Variants in LRRN2 observed in about 807,000 individuals in gnomAD.
LRRN2 encodes the protein leucine-rich repeat neuronal protein 2.
Under a neutral mutation model 35.7 loss-of-function variants are expected in LRRN2, and 10 were observed. That is an observed-to-expected ratio of 0.28 (90% confidence interval 0.17 to 0.47). The LOEUF (loss-of-function observed/expected upper bound fraction) is 0.47, where lower values mean the gene tolerates loss of function less well. Among genes scored for constraint, LRRN2 ranks in the 20% least tolerant of loss-of-function variants. The probability of loss-of-function intolerance (pLI) is 0.99; values close to 1 mark genes in which losing one functional copy is unlikely to be tolerated. For missense variants in LRRN2, 731 were observed against 940.3 expected (o/e 0.78, Z 2.91); for synonymous variants, 391 against 409.6 (o/e 0.95, Z 0.55).
At position 204,618,294 on chromosome 1, in the gene LRRN2, G is replaced by A; in HGVS notation, c.1699C>T (p.Gln567Ter). ...TWSSASSLRG[Q>*]GATALARLPR... ...AGGCGGGCCAGAGCTGTGGCCCCCT[G>A]GCCCCGGAGGGAGGAGGCACTGGAC... The change falls in exon 2 of 2, where the codon CAG (glutamine) becomes TAG (stop). Residue 567 changes from glutamine (Q) to a stop codon, truncating the protein, a stop_gained. Transcript: ENST00000367177. LOFTEE classifies it high-confidence loss of function. The A allele has an allele frequency of 6.3e-7, 1 of 1,599,226 alleles. No homozygotes were observed. The highest frequency in any genetic ancestry group is 1.1e-5 in the South Asian group (1 of 88,174).
rs926783661 is a variant in LRRN2 at position 204,634,250 on chromosome 1, C to G, written c.-226-14032G>C. 2.6e-5 allele frequency among the ~76,000 whole-genome samples: 4 copies of G among 152,272 alleles called. 1 individual carries two copies. In the South Asian group the frequency reaches 8.3e-4, roughly 32 times the overall value. On this transcript the variant is annotated intron_variant, in intron 1 of 1. Transcript: ENST00000367177. ...AAAATGAAAAGTGCTCTCAGCCAGCCCTATGTCCTGAATTGCAGGGGAGGG... is the reference window on the plus strand; with the variant it reads ...AAAATGAAAAGTGCTCTCAGCCAGCGCTATGTCCTGAATTGCAGGGGAGGG...
intron 1 of LRRN2, among the ~76,000 whole-genome samples, chr1:204,684,980 T>C (rs1202547971): frequency 6.6e-6 from 1 of 152,116 alleles, no homozygotes; most frequent in Non-Finnish European, 1.5e-5. Flanking sequence ...AGCAACAGTT[T>C]GGGGGAGGTT....
At chr1:204,675,071 C>T (rs1026312014) in intron 1 of LRRN2, among the ~76,000 whole-genome samples, 2 of 152,184 alleles carry the variant, frequency 1.3e-5, no homozygotes, top group Non-Finnish European at 2.9e-5. Context: ...TCCACTAACT[C>T]AGCATGACCT....
At chr1:204,672,860 CA>C (rs1358323085) in intron 1 of LRRN2, among the ~76,000 whole-genome samples, 1 of 152,210 alleles carries the variant, frequency 6.6e-6, no homozygotes, top group East Asian at 1.9e-4. Context: ...CTAGTTCCAT[CA>C]ATCATCCGCT....
chr1:204,629,809 G>A (rs1432742720), intron 1 of LRRN2: 1 of 152,688 alleles, frequency 6.5e-6, no homozygotes, highest in Non-Finnish European at 1.5e-5. Context: ...TTGCAGCAGT[G>A]TAGGTGGAGC....
At chr1:204,672,893 C>T (rs1668743491) in intron 1 of LRRN2, among the ~76,000 whole-genome samples, 1 of 152,246 alleles carries the variant, frequency 6.6e-6, no homozygotes, top group African/African-American at 2.4e-5. Context: ...TAAAAACAGA[C>T]TCACCATTTC....
chr1:204,684,013 G>A lies in LRRN2; in HGVS notation c.-227+1307C>T, dbSNP rs571236304. 1.2e-4 allele frequency among the ~76,000 whole-genome samples: 18 copies of A among 152,352 alleles called. 1 individual carries two copies. Among genetic ancestry groups the A allele is most frequent in the African/African-American group, 4.1e-4 (17 of 41,584 alleles). ...TTTTTGAAGGGATCTTTAAGAAGCA[G>A]TGGGCAATGGGAGGAGCTCCTGGCC... On this transcript the variant is annotated intron_variant, in intron 1 of 1. Transcript: ENST00000367177.
At chr1:204,641,287 T>C (rs1667971031) in intron 1 of LRRN2, among the ~76,000 whole-genome samples, 1 of 152,228 alleles carries the variant, frequency 6.6e-6, no homozygotes, top group Non-Finnish European at 1.5e-5. Flanking sequence ...TCTTTTCTTT[T>C]AAAAATCTTT....
intron 1 of LRRN2, among the ~76,000 whole-genome samples, chr1:204,652,193 G>C (rs891453825): frequency 6.6e-6 from 1 of 152,212 alleles, no homozygotes; most frequent in African/African-American, 2.4e-5. Context: ...AAAGGGAGAC[G>C]GAAAAACGGA....
Position 204,618,801 on chromosome 1 carries a change from C to T in LRRN2, c.1192G>A (p.Ala398Thr). The change falls in exon 2 of 2, where the codon GCG (alanine) becomes ACG (threonine). Residue 398 changes from alanine (A) to threonine (T), a missense_variant. Coordinates refer to ENST00000367177, the MANE Select transcript of LRRN2 (RefSeq NM_201630.2). ...RFIEPQSTLC[A>T]EPPDLQRLPV... Reference sequence around the variant, plus strand: ...AGGCGCTGGAGGTCCGGAGGCTCCGCACACAGGGTGGATTGCGGCTCGATG... The same window carrying T: ...AGGCGCTGGAGGTCCGGAGGCTCCGTACACAGGGTGGATTGCGGCTCGATG... 2 of 1,614,106 alleles carry T rather than the reference C, an allele frequency of 1.2e-6. No homozygotes were observed. Among genetic ancestry groups the T allele is most frequent in the Non-Finnish European group, 1.7e-6 (2 of 1,180,036 alleles).
chr1:204,637,787 T>A (rs1667872279), intron 1 of LRRN2, among the ~76,000 whole-genome samples: 1 of 152,038 alleles, frequency 6.6e-6, no homozygotes, highest in African/African-American at 2.4e-5. Flanking sequence ...CACACCCTGC[T>A]CACCCTGTGG....
At chr1:204,678,217 G>A (rs1278355624) in intron 1 of LRRN2, among the ~76,000 whole-genome samples, 1 of 152,150 alleles carries the variant, frequency 6.6e-6, no homozygotes, top group Non-Finnish European at 1.5e-5. Flanking sequence ...GTGAGTGTAA[G>A]TTCTGCCTCC....
intron 1 of LRRN2, chr1:204,621,788 T>C (rs1045227074): frequency 6.0e-6 from 1 of 167,138 alleles, no homozygotes; most frequent in Non-Finnish European, 1.5e-5. Context: ...GGGGCCAGAC[T>C]GTGTTGCCTT....
Position 204,618,927 on chromosome 1 carries a change from C to T in LRRN2, c.1066G>A (p.Glu356Lys), listed in dbSNP as rs755429987. ...ACCTCCTGCAGGTTGGGCAGGGACT[C>T]CACCGTCTGCTGGTGCAAGGCACTG... ...ALSALHQQTV[E>K]SLPNLQEVGL... The change falls in exon 2 of 2, where the codon GAG (glutamate) becomes AAG (lysine). Residue 356 changes from glutamate (E) to lysine (K), a missense_variant. By Grantham distance (56) the Glu-to-Lys change is moderately conservative. Around this residue, in one of 3 missense-constraint regions of LRRN2, gnomAD observed 256 missense variants for 392.4 expected, o/e 0.65. Transcript: ENST00000367177. 8.7e-6 allele frequency: 14 copies of T among 1,613,990 alleles called. No homozygotes were observed. Among genetic ancestry groups the T allele is most frequent in the South Asian group, 1.1e-5 (1 of 91,084 alleles).
chr1:204,649,716 TTAGAC>T (rs1397087330), intron 1 of LRRN2, among the ~76,000 whole-genome samples: 1 of 151,982 alleles, frequency 6.6e-6, no homozygotes, highest in African/African-American at 2.4e-5. Context: ...GGAACTGGAG[TTAGAC>T]TAAATGGTCC....
chr1:204,632,733 C>G (rs1200700519), intron 1 of LRRN2, among the ~76,000 whole-genome samples: 1 of 151,668 alleles, frequency 6.6e-6, no homozygotes, highest in Non-Finnish European at 1.5e-5. Flanking sequence ...AGATGGAGAC[C>G]ATCCTGACTA....
intron 1 of LRRN2, among the ~76,000 whole-genome samples, chr1:204,641,179 T>C (rs555272651): frequency 6.6e-6 from 1 of 152,316 alleles, no homozygotes; most frequent in Admixed American, 6.5e-5. Context: ...AGGACATCTG[T>C]CCACAGCTGG....
At chr1:204,653,262 G>C (rs998503584) in intron 1 of LRRN2, among the ~76,000 whole-genome samples, 2 of 152,208 alleles carry the variant, frequency 1.3e-5, no homozygotes, top group African/African-American at 4.8e-5. Context: ...CTACAAGATT[G>C]CTAGTCCCTC....
At chr1:204,658,564 G>A (rs1668407597) in intron 1 of LRRN2, among the ~76,000 whole-genome samples, 1 of 152,152 alleles carries the variant, frequency 6.6e-6, no homozygotes, top group Admixed American at 6.5e-5. Flanking sequence ...GTAAAGCAGG[G>A]ACAGACATGG....
Sources: allele counts gnomAD v4.1 joint callset (sites outside exome capture counted in the v4.1 genomes callset), GRCh38; gene constraint gnomAD v4.1.1; regional missense constraint gnomAD v4.1.1; transcripts MANE v1.5; gene names NCBI Gene and HGNC (gene_info 2026-07-23, HGNC 2026-07-21).